The following PLD5 variants were observed in gnomAD, a reference collection of about 807,000 sequenced individuals.
The protein encoded by PLD5 is phospholipase D family member 5.
A neutral mutation model predicts 61.1 loss-of-function variants in PLD5; 36 were observed. The ratio of observed to expected loss-of-function variants is 0.59; its 90% CI spans 0.45 to 0.78. PLD5 has a LOEUF of 0.78. PLD5 is among the 30% of genes least tolerant of loss of function. The probability of loss-of-function intolerance (pLI) is 0.00; values close to 1 mark genes in which losing one functional copy is unlikely to be tolerated. For missense variants in PLD5, 515 were observed against 644.4 expected (o/e 0.80, Z 2.17); for synonymous variants, 243 against 242.8 (o/e 1.00, Z -0.01).
intron 1 of PLD5, among the ~76,000 whole-genome samples, chr1:242,484,461 G>T (rs1667889333): frequency 6.6e-6 from 1 of 152,184 alleles, no homozygotes; most frequent in African/African-American, 2.4e-5. Context: ...AAATCTAGAA[G>T]AAATGGATAA....
chr1:242,300,265 C>T (rs1574692489), intron 2 of PLD5, among the ~76,000 whole-genome samples: 2 of 152,030 alleles, frequency 1.3e-5, no homozygotes, highest in Non-Finnish European at 2.9e-5. Flanking sequence ...ATGGTGAAAC[C>T]CTGTCTCTAC....
chr1:242,332,112 C>T (rs1376965983), intron 2 of PLD5, among the ~76,000 whole-genome samples: 2 of 152,128 alleles, frequency 1.3e-5, no homozygotes, highest in Non-Finnish European at 2.9e-5. Context: ...GTTCAACTCC[C>T]ACTTATGAGT....
chr1:242,219,214 G>A (rs545138044), intron 5 of PLD5, among the ~76,000 whole-genome samples: 5 of 152,318 alleles, frequency 3.3e-5, no homozygotes, highest in Non-Finnish European at 5.9e-5. Context: ...ACATAGTTGA[G>A]CATAATAGAA....
At chr1:242,207,121 C>A (rs761961991) in intron 5 of PLD5, among the ~76,000 whole-genome samples, 6 of 152,140 alleles carry the variant, frequency 3.9e-5, no homozygotes, top group Non-Finnish European at 5.9e-5. Context: ...TTACTCAAAA[C>A]CTACTGATGT....
At chr1:242,514,215 T>C (rs1430083321) in intron 1 of PLD5, among the ~76,000 whole-genome samples, 4 of 152,210 alleles carry the variant, frequency 2.6e-5, no homozygotes, top group Middle Eastern at 3.2e-3. Context: ...TCTTCCTAAA[T>C]AAACTCTGTC....
chr1:242,167,080 A>T (rs1250751472), intron 5 of PLD5, among the ~76,000 whole-genome samples: 5 of 39,656 alleles, frequency 1.3e-4, no homozygotes, highest in African/African-American at 1.9e-4. Flanking sequence ...TAATAATAGT[A>T]ATAATAATAA....
chr1:242,168,253 T>C (rs1186044601), intron 5 of PLD5, among the ~76,000 whole-genome samples: 1 of 152,222 alleles, frequency 6.6e-6, no homozygotes. Context: ...TATGAACGTG[T>C]CAACAATGAA....
At chr1:242,301,331 A>T (rs1676023226) in intron 2 of PLD5, among the ~76,000 whole-genome samples, 1 of 152,222 alleles carries the variant, frequency 6.6e-6, no homozygotes, top group African/African-American at 2.4e-5. Flanking sequence ...CCTTGTCAGA[A>T]TTGTCAATCT....
chr1:242,239,501 T>C (rs1671856545), intron 4 of PLD5, among the ~76,000 whole-genome samples: 1 of 152,172 alleles, frequency 6.6e-6, no homozygotes, highest in Admixed American at 6.5e-5. Flanking sequence ...TTCCTTTATG[T>C]GTGTGGCTGA....
At chr1:242,297,621 C>CTTTTTTTTTT (rs56851216) in intron 2 of PLD5, among the ~76,000 whole-genome samples, 3 of 107,224 alleles carry the variant, frequency 2.8e-5, no homozygotes, top group African/African-American at 1.0e-4. Context: ...ATTCATGTTT[C>CTTTTTTTTTT]TTTTTTTTTT....
chr1:242,394,464 GAACATA>G (rs1298070521), intron 1 of PLD5, among the ~76,000 whole-genome samples: 1 of 65,572 alleles, frequency 1.5e-5, no homozygotes, highest in Non-Finnish European at 2.8e-5. Flanking sequence ...GTATATATGT[GAACATA>G]TATATGTGTA....
chr1:242,181,935 A>G (rs1343062940), intron 5 of PLD5, among the ~76,000 whole-genome samples: 1 of 152,172 alleles, frequency 6.6e-6, no homozygotes, highest in East Asian at 1.9e-4. Flanking sequence ...CATTAAATCA[A>G]AAATCTTCAG....
At chr1:242,429,261 A>G (rs1665591072) in intron 1 of PLD5, among the ~76,000 whole-genome samples, 1 of 152,264 alleles carries the variant, frequency 6.6e-6, no homozygotes, top group African/African-American at 2.4e-5. Context: ...ATTTAACTTC[A>G]GTTTGGCAAA....
chr1:242,183,572 A>C (rs1005952809), intron 5 of PLD5, among the ~76,000 whole-genome samples: 5 of 152,180 alleles, frequency 3.3e-5, no homozygotes, highest in Non-Finnish European at 5.9e-5. Context: ...TTCGTGTCTC[A>C]ATTATTGTTT....
At chr1:242,155,971 T>C (rs965175981) in intron 5 of PLD5, among the ~76,000 whole-genome samples, 3 of 152,146 alleles carry the variant, frequency 2.0e-5, no homozygotes, top group African/African-American at 7.2e-5. Flanking sequence ...CCCACTATTA[T>C]TGTGTGGGAG....
At chr1:242,141,953 T>C (rs1478014069) in intron 5 of PLD5, among the ~76,000 whole-genome samples, 1 of 152,256 alleles carries the variant, frequency 6.6e-6, no homozygotes, top group African/African-American at 2.4e-5. Flanking sequence ...TTAATATATA[T>C]AACATCTATT....
At chr1:242,382,323 C>A (rs72763080) in intron 1 of PLD5, among the ~76,000 whole-genome samples, 55,744 of 151,792 alleles carry the variant, frequency 0.37, 10,711 homozygotes, top group Admixed American at 0.49. Flanking sequence ...TAAAAGAGAT[C>A]ATCAAGGGAA....
chr1:242,110,090 A>T (rs1661366536), intron 7 of PLD5, among the ~76,000 whole-genome samples: 1 of 136,762 alleles, frequency 7.3e-6, no homozygotes, highest in South Asian at 2.3e-4. Context: ...TATTATTATT[A>T]TATTATTATA....
intron 7 of PLD5, among the ~76,000 whole-genome samples, chr1:242,113,418 A>G (rs924439769): frequency 6.6e-6 from 1 of 152,200 alleles, no homozygotes; most frequent in Non-Finnish European, 1.5e-5. Flanking sequence ...CTGAGAAGAT[A>G]TTATGAGAAT....
Sources: gnomAD v4.1 joint callset for allele counts (sites outside exome capture counted in the v4.1 genomes callset) on GRCh38, gnomAD v4.1.1 for gene constraint, MANE v1.5 for transcripts, NCBI Gene and HGNC (gene_info 2026-07-23, HGNC 2026-07-21) for gene names.